Variants in SH3D21 observed in about 807,000 individuals in gnomAD.
SH3D21 encodes the protein SH3 domain-containing protein 21.
In SH3D21, 83 loss-of-function variants were observed where a neutral mutation model predicts 82.1. The observed-to-expected ratio is 1.01, with a 90% CI of 0.85 to 1.21. The LOEUF (loss-of-function observed/expected upper bound fraction) is 1.21, where lower values mean the gene tolerates loss of function less well. Ranked by LOEUF, SH3D21 falls within the 50% of genes most tolerant of loss-of-function variation. The pLI, the probability that SH3D21 is intolerant of heterozygous loss-of-function variation, is 0.00. For synonymous variants in SH3D21, 383 were observed against 387.8 expected (o/e 0.99, Z 0.15); for missense variants, 980 against 962.1 (o/e 1.02, Z -0.25).
chr1:36,320,308 G>A lies in SH3D21; in HGVS notation c.1645G>A (p.Glu549Lys). 6.2e-7 allele frequency: 1 copy of A among 1,612,884 alleles called. No homozygotes were observed. The highest frequency in any genetic ancestry group is 8.5e-7 in the Non-Finnish European group (1 of 1,179,880). ...QPPSSERCLGEMKCTLVRGDS... is the reference protein window; with the variant it reads ...QPPSSERCLGKMKCTLVRGDS... ...TCCTTCCTCAGAGAGGTGCCTGGGA[G>A]AGATGAAATGTACCCTAGTTAGAGG... The change falls in exon 14 of 16, where the codon GAG (glutamate) becomes AAG (lysine). Residue 549 changes from glutamate (E) to lysine (K), a missense_variant. By Grantham distance (56) the Glu-to-Lys change is moderately conservative. Transcript: ENST00000453908.
At position 36,309,550 on chromosome 1, in the gene SH3D21, C is replaced by G. The variant is rs766149325; in HGVS notation, c.729C>G (p.Ile243Met). ...PDNFVLPPPP[I>M]KKLVPRKVVS... ...ACCTTTACTTCTTTTCGGCATAGAT[C>G]AAGAAGCTGGTCCCACGGAAAGTGG... The change falls in exon 10 of 16, where the codon ATC becomes ATG. Residue 243 changes from isoleucine (I) to methionine (M), a missense_variant and splice_region_variant. Coordinates refer to ENST00000453908, the MANE Select transcript of SH3D21 (RefSeq NM_001162530.2). The G allele has an allele frequency of 2.6e-6, 4 of 1,551,520 alleles. No homozygotes were observed. The highest frequency in any genetic ancestry group is 3.9e-5 in the Admixed American group (2 of 50,978).
intron 8 of SH3D21, 64 bp from the exon 9 acceptor site, chr1:36,308,325 T>C: frequency 6.6e-7 from 1 of 1,504,176 alleles, no homozygotes; most frequent in South Asian, 1.2e-5. Flanking sequence ...TAAGAAGGAG[T>C]GGGACCCCGG....
intron 10 of SH3D21, among the ~76,000 whole-genome samples, chr1:36,311,651 A>G (rs1412600664): frequency 2.6e-5 from 4 of 151,956 alleles, no homozygotes; most frequent in Non-Finnish European, 5.9e-5. Context: ...TTGTTCCAGC[A>G]TCATTTATTA....
In SH3D21 at chr1:36,308,212, G is replaced by C; in HGVS notation, c.639+3G>C. Reference sequence around the variant, plus strand: ...ACGTGGTAAAAGTACTCAGCAAGGTGTGAGACGAACAGGGTGGGGGGGCCC... The same window carrying C: ...ACGTGGTAAAAGTACTCAGCAAGGTCTGAGACGAACAGGGTGGGGGGGCCC... On this transcript the variant is annotated splice_donor_region_variant and intron_variant, in intron 8 of 15. Transcript: ENST00000453908. 2 of 1,535,258 alleles carry C rather than the reference G, an allele frequency of 1.3e-6. No homozygotes were observed. Among genetic ancestry groups the C allele is most frequent in the Non-Finnish European group, 1.8e-6 (2 of 1,138,286 alleles).
Position 36,319,919 on chromosome 1 carries a change from T to G in SH3D21, c.1256T>G (p.Met419Arg). 1.2e-6 allele frequency: 2 copies of G among 1,613,876 alleles called. No homozygotes were observed. Among genetic ancestry groups the G allele is most frequent in the Non-Finnish European group, 8.5e-7 (1 of 1,179,960 alleles). ...APDKVPTPEKMVTPEDKASIP... is the reference protein window; with the variant it reads ...APDKVPTPEKRVTPEDKASIP... Reference sequence around the variant, plus strand: ...GACAAAGTCCCCACCCCAGAGAAGATGGTGACTCCGGAGGACAAGGCTTCT... The same window carrying G: ...GACAAAGTCCCCACCCCAGAGAAGAGGGTGACTCCGGAGGACAAGGCTTCT... The change falls in exon 14 of 16, where the codon ATG (methionine) becomes AGG (arginine). Residue 419 changes from methionine (M) to arginine (R), a missense_variant. By Grantham distance (91) the Met-to-Arg change is moderately conservative (BLOSUM62 -1). Coordinates refer to ENST00000453908, the MANE Select transcript of SH3D21 (RefSeq NM_001162530.2).
chr1:36,312,541 C>G (rs766998339), intron 10 of SH3D21, among the ~76,000 whole-genome samples: 1 of 152,212 alleles, frequency 6.6e-6, no homozygotes, highest in Non-Finnish European at 1.5e-5. Context: ...TGAAGACAGA[C>G]ATATCATTTG....
chr1:36,315,728 A>C (rs1008578711), intron 10 of SH3D21, among the ~76,000 whole-genome samples: 1 of 152,062 alleles, frequency 6.6e-6, no homozygotes. Flanking sequence ...CCAGAGCCAA[A>C]TCCTGCTTCT....
At chr1:36,328,460 G>T (rs1646565339), downstream of SH3D21, 2 of 297,632 alleles carry the variant, frequency 6.7e-6, no homozygotes, top group Admixed American at 8.4e-5. Context: ...AGAGGGTACT[G>T]GCAAAAATTT....
intron 9 of SH3D21, among the ~76,000 whole-genome samples, chr1:36,308,704 C>T (rs1646180032): frequency 6.6e-6 from 1 of 152,196 alleles, no homozygotes; most frequent in East Asian, 1.9e-4. Context: ...GAGATAGCTG[C>T]CGGGTACGGT....
chr1:36,312,705 C>G (rs1038035243), intron 10 of SH3D21, among the ~76,000 whole-genome samples: 3 of 151,926 alleles, frequency 2.0e-5, no homozygotes. Flanking sequence ...CTAGTTTTCC[C>G]TTTTCTTCTT....
At chr1:36,321,998 TG>T, downstream of SH3D21, 2 of 1,204,948 alleles carry the variant, frequency 1.7e-6, no homozygotes, top group Non-Finnish European at 2.1e-6. This position sits in a 1 kb window ranked among gnomAD's most constrained non-coding sequence, Gnocchi z 6.1. Context: ...TGGGGGTCGC[TG>T]GGGGCAGGAG....
chr1:36,320,501 G>A lies in SH3D21; in HGVS notation c.1838G>A (p.Arg613Lys), dbSNP rs753869990. ...CCCCCCAACGAGCAGAGGCCTCTGAGAGAGGAGGTGCTCCCCAAAGAGGGA... is the reference window on the plus strand; with the variant it reads ...CCCCCCAACGAGCAGAGGCCTCTGAAAGAGGAGGTGCTCCCCAAAGAGGGA... ...EAPPNEQRPL[R>K]EEVLPKEGVA... is the part of the protein sequence containing the mutation. The change falls in exon 14 of 16, where the codon AGA (arginine) becomes AAA (lysine). Residue 613 changes from arginine to lysine, a missense_variant. Arg to Lys is a conservative substitution (Grantham distance 26). Coordinates refer to ENST00000453908, the MANE Select transcript of SH3D21 (RefSeq NM_001162530.2). 6 of 1,613,940 alleles carry A rather than the reference G, an allele frequency of 3.7e-6. No homozygotes were observed. The highest frequency in any genetic ancestry group is 4.5e-5 in the East Asian group (2 of 44,890).
chr1:36,309,884 T>C (rs530445662), intron 10 of SH3D21, among the ~76,000 whole-genome samples: 2 of 152,364 alleles, frequency 1.3e-5, no homozygotes, highest in South Asian at 4.1e-4. Flanking sequence ...TATAAGACTG[T>C]GTATGTTCAT....
In SH3D21 at chr1:36,308,473, C is replaced by A; in HGVS notation, c.724C>A (p.Pro242Thr). The A allele has an allele frequency of 6.4e-7, 1 of 1,551,434 alleles. No individual in the cohort carries two copies. The highest frequency in any genetic ancestry group is 8.7e-7 in the Non-Finnish European group (1 of 1,146,860). The change falls in exon 9 of 16, where the codon CCA becomes ACA. Residue 242 changes from proline to threonine, a missense_variant and splice_region_variant. Pro to Thr is a conservative substitution (Grantham distance 38). Coordinates refer to ENST00000453908, the MANE Select transcript of SH3D21 (RefSeq NM_001162530.2). ...FPDNFVLPPP[P>T]IKKLVPRKVV... ...AGACAACTTTGTACTCCCACCACCC[C>A]CAGTGAGTACAGAGCCAAGACACTC...
At chr1:36,322,927 C>T (rs1646492605), downstream of SH3D21, 1 of 1,599,960 alleles carries the variant, frequency 6.3e-7, no homozygotes. Flanking sequence ...GGATGGTGGT[C>T]AGGGAAGGGT....
chr1:36,312,022 CT>C (rs973528227), intron 10 of SH3D21, among the ~76,000 whole-genome samples: 6 of 150,508 alleles, frequency 4.0e-5, no homozygotes, highest in African/African-American at 1.5e-4. Context: ...CTATAATTTT[CT>C]TTTTTTTTAA....
rs1388968709 is a variant in SH3D21 at position 36,306,955 on chromosome 1, G to A, written c.226+50G>A. On this transcript the variant is annotated intron_variant, in intron 3 of 15. Transcript: ENST00000453908. The surrounding 1 kb of genome is among the most constrained non-coding windows in gnomAD (Gnocchi z 4.5). ...GCCGGTGGGCGGGTGCACGGAGCCA[G>A]TGCGACCCCGGCGTCTCCGGCTCTT... 1.5e-6 allele frequency: 2 copies of A among 1,342,070 alleles called. No individual in the cohort carries two copies. Among genetic ancestry groups the A allele is most frequent in the African/African-American group, 1.5e-5 (1 of 65,836 alleles). 83.1% of individuals were successfully genotyped at this position (1,342,070 alleles called of 1,614,324 possible). A position where few individuals can be genotyped will look rare whatever the true frequency, so the allele number is the denominator to read the frequency against.
rs529946187 is a variant in SH3D21 at position 36,321,308 on chromosome 1, C to G, written c.*181C>G. 1.1e-5 allele frequency: 16 copies of G among 1,436,062 alleles called. No homozygotes were observed. Among genetic ancestry groups the G allele is most frequent in the Non-Finnish European group, 1.5e-5 (16 of 1,100,584 alleles). The allele number at this position is 1,436,062 out of a possible 1,614,324, so 89.0% of individuals were successfully genotyped here. On this transcript the variant is annotated 3_prime_UTR_variant, in exon 16 of 16. Transcript: ENST00000453908. The surrounding 1 kb of genome is among the most constrained non-coding windows in gnomAD (Gnocchi z 6.1). Reference sequence around the variant, plus strand: ...GCCTCCGCATTCCTGACGGTCCCTCCCAGGCACATCTGGCCAACATGTGGC... The same window carrying G: ...GCCTCCGCATTCCTGACGGTCCCTCGCAGGCACATCTGGCCAACATGTGGC...
In SH3D21 at chr1:36,306,920, G is replaced by A. The variant is rs1367980464; in HGVS notation, c.226+15G>A. ...GCGCCGCCGAGGTGAGCGCAAGGGC[G>A]GGGACGGGCGCCGGTGGGCGGGTGC... On this transcript the variant is annotated intron_variant, in intron 3 of 15. Coordinates refer to ENST00000453908, the MANE Select transcript of SH3D21 (RefSeq NM_001162530.2). The surrounding 1 kb of genome is among the most constrained non-coding windows in gnomAD (Gnocchi z 4.5). The A allele has an allele frequency of 4.5e-6, 6 of 1,320,978 alleles. No homozygotes were observed. The highest frequency in any genetic ancestry group is 5.3e-5 in the Admixed American group (2 of 37,746). The allele number at this position is 1,320,978 out of a possible 1,614,324, so 81.8% of individuals were successfully genotyped here.
Sources: gnomAD v4.1 joint callset for allele counts (sites outside exome capture counted in the v4.1 genomes callset) on GRCh38, gnomAD v4.1.1 for gene constraint, Gnocchi (gnomAD v3.1) non-coding constraint, MANE v1.5 for transcripts, NCBI Gene and HGNC (gene_info 2026-07-23, HGNC 2026-07-21) for gene names.